PRKN: variants seen among roughly 807,000 people sequenced by gnomAD.
PRKN encodes E3 ubiquitin-protein ligase parkin.
Under a neutral mutation model 59.5 loss-of-function variants are expected in PRKN, and 56 were observed. The observed-to-expected ratio is 0.94, with a 90% CI of 0.76 to 1.18. PRKN has a LOEUF of 1.18. Among genes scored for constraint, PRKN ranks in the 50% most tolerant of loss-of-function variants. The pLI is 0.00. For synonymous variants in PRKN, 250 were observed against 222.1 expected (o/e 1.13, Z -1.12); for missense variants, 657 against 596.4 (o/e 1.10, Z -1.06).
chr6:161,406,757 T>G (rs1787296560), intron 9 of PRKN, among the ~76,000 whole-genome samples: 1 of 152,190 alleles, frequency 6.6e-6, no homozygotes, highest in African/African-American at 2.4e-5. Context: ...ACATACAACT[T>G]GTTTCTGTCA....
At chr6:162,562,989 A>G (rs1779906910) in intron 1 of PRKN, among the ~76,000 whole-genome samples, 1 of 152,170 alleles carries the variant, frequency 6.6e-6, no homozygotes, top group African/African-American at 2.4e-5. Flanking sequence ...GAACAGAGAG[A>G]GAGAAACTCT....
intron 7 of PRKN, among the ~76,000 whole-genome samples, chr6:161,622,463 C>G (rs1243137418): frequency 6.6e-6 from 1 of 152,154 alleles, no homozygotes; most frequent in Non-Finnish European, 1.5e-5. Flanking sequence ...CTACCTGAAG[C>G]CACTGTGCTC....
At chr6:162,095,449 G>A (rs966232817) in intron 4 of PRKN, among the ~76,000 whole-genome samples, 67 of 152,028 alleles carry the variant, frequency 4.4e-4, no homozygotes, top group African/African-American at 1.5e-3. Context: ...ATGTTGAGAG[G>A]TTATTTAAAT....
intron 3 of PRKN, among the ~76,000 whole-genome samples, chr6:162,253,904 C>T (rs1779537438): frequency 6.6e-6 from 1 of 152,224 alleles, no homozygotes; most frequent in South Asian, 2.1e-4. Context: ...CAGAGTATCA[C>T]TCACCAAGCT....
chr6:161,661,246 AGGGCCC>A lies in PRKN; in HGVS notation c.872-91836_872-91831del, dbSNP rs535939312. On this transcript the variant is annotated intron_variant, in intron 7 of 11. Transcript: ENST00000366898. ...AGTGGAGACCCTCACGGAGTCTGACAGGGCCCTCTGAACACAGGGCCCTGCTACTTC... is the reference window on the plus strand; with the variant it reads ...AGTGGAGACCCTCACGGAGTCTGACATCTGAACACAGGGCCCTGCTACTTC... Among the ~76,000 whole-genome samples, 29 of 152,286 alleles carry A rather than the reference AGGGCCC, an allele frequency of 1.9e-4. No homozygotes were observed. The East Asian group carries it at 4.4e-3, about 23-fold the overall frequency.
chr6:162,696,506 T>C (rs1034963358), intron 1 of PRKN, among the ~76,000 whole-genome samples: 4 of 151,910 alleles, frequency 2.6e-5, no homozygotes, highest in African/African-American at 9.7e-5. Flanking sequence ...AGATACTGGA[T>C]TCGATACTGG....
At position 161,363,218 on chromosome 6, in the gene PRKN, G is replaced by C. The variant is rs551546879; in HGVS notation, c.1168-3013C>G. Among the ~76,000 whole-genome samples the C allele has an allele frequency of 6.6e-6, 1 of 152,130 alleles. No individual in the cohort carries two copies. The highest frequency in any genetic ancestry group is 1.5e-5 in the Non-Finnish European group (1 of 68,020). On this transcript the variant is annotated intron_variant, in intron 10 of 11. Coordinates refer to ENST00000366898, the MANE Select transcript of PRKN (RefSeq NM_004562.3). This position sits in a 1 kb window ranked among gnomAD's most constrained non-coding sequence, Gnocchi z 4.1. ...GATTTTGCCACTGCATTCCAGTCCC[G>C]GTGATGGAGTGGGACTCTGTCTCAA... is the stretch of plus-strand genomic sequence containing the variant.
At chr6:162,611,384 G>C (rs1025485322) in intron 1 of PRKN, among the ~76,000 whole-genome samples, 1 of 152,170 alleles carries the variant, frequency 6.6e-6, no homozygotes, top group African/African-American at 2.4e-5. Flanking sequence ...AACTGTGCTA[G>C]AGTTTCGAAA....
At chr6:162,414,726 A>AAAAAAAAAACAAAAAGT (rs34838356) in intron 2 of PRKN, among the ~76,000 whole-genome samples, 1 of 91,870 alleles carries the variant, frequency 1.1e-5, no homozygotes, top group African/African-American at 4.5e-5. Context: ...AAAAAAAAAA[A>AAAAAAAAAACAAAAAGT]AGTGAATCTT....
Position 161,645,403 on chromosome 6 carries a change from T to C in PRKN, c.872-75987A>G, listed in dbSNP as rs543964930. Among the ~76,000 whole-genome samples, 12 of 152,358 alleles carry C rather than the reference T, an allele frequency of 7.9e-5. No homozygotes were observed. In the South Asian group the frequency reaches 8.3e-4, roughly 11 times the overall value. On this transcript the variant is annotated intron_variant, in intron 7 of 11. Transcript: ENST00000366898. ...AACTCATGGAAATCAGTTGGAATTA[T>C]TGGTCTCATTTAATCATTGGGATAA... is the stretch of plus-strand genomic sequence containing the variant.
At chr6:161,416,487 C>T (rs1787857061) in intron 9 of PRKN, among the ~76,000 whole-genome samples, 1 of 152,034 alleles carries the variant, frequency 6.6e-6, no homozygotes, top group Admixed American at 6.6e-5. Context: ...CATATATTTG[C>T]TAAACAACTC....
intron 6 of PRKN, among the ~76,000 whole-genome samples, chr6:161,829,661 G>A (rs577557814): frequency 2.6e-5 from 4 of 151,936 alleles, no homozygotes; most frequent in Non-Finnish European, 4.4e-5. Flanking sequence ...AAAGGCCTCC[G>A]CAGAAAGCTT....
At chr6:161,614,318 T>C (rs932714243) in intron 7 of PRKN, among the ~76,000 whole-genome samples, 22 of 152,204 alleles carry the variant, frequency 1.4e-4, no homozygotes, top group Non-Finnish European at 3.1e-4. Flanking sequence ...TAAATATTTT[T>C]AGTGATGGAG....
At chr6:161,748,629 G>T (rs753037091) in intron 7 of PRKN, among the ~76,000 whole-genome samples, 2 of 152,072 alleles carry the variant, frequency 1.3e-5, no homozygotes, top group Non-Finnish European at 2.9e-5. Context: ...CAGGCAAGGG[G>T]CACTTGTCGG....
chr6:162,421,192 CA>C (rs1226483595), intron 2 of PRKN, among the ~76,000 whole-genome samples: 10 of 152,198 alleles, frequency 6.6e-5, no homozygotes, highest in Admixed American at 6.6e-4. Flanking sequence ...CGATGTTTAT[CA>C]ATAACCCTCC....
chr6:161,736,279 C>T (rs1008536369), intron 7 of PRKN, among the ~76,000 whole-genome samples: 1 of 152,328 alleles, frequency 6.6e-6, no homozygotes, highest in African/African-American at 2.4e-5. Flanking sequence ...CCTCCCTGTC[C>T]TGCTTGCAGC....
intron 9 of PRKN, among the ~76,000 whole-genome samples, chr6:161,508,272 G>C (rs922614988): frequency 1.3e-5 from 2 of 152,184 alleles, no homozygotes; most frequent in African/African-American, 4.8e-5. Context: ...ACTAAAATCA[G>C]ATTCAAGACC....
intron 7 of PRKN, among the ~76,000 whole-genome samples, chr6:161,690,048 GA>G (rs1785721778): frequency 6.6e-6 from 1 of 152,160 alleles, no homozygotes; most frequent in Non-Finnish European, 1.5e-5. Context: ...AAATGATTAA[GA>G]AAAATAAATT....
At chr6:161,699,810 G>T (rs114922217) in intron 7 of PRKN, among the ~76,000 whole-genome samples, 1 of 152,104 alleles carries the variant, frequency 6.6e-6, no homozygotes, top group African/African-American at 2.4e-5. Context: ...TGGTTTCACC[G>T]ATGTGTACAT....
Sources: gnomAD v4.1 joint callset for allele counts (sites outside exome capture counted in the v4.1 genomes callset) on GRCh38, gnomAD v4.1.1 for gene constraint, Gnocchi (gnomAD v3.1) non-coding constraint, MANE v1.5 for transcripts, NCBI Gene and HGNC (gene_info 2026-07-23, HGNC 2026-07-21) for gene names.